The following FBXO24 variants were observed in gnomAD, a reference collection of about 807,000 sequenced individuals.
FBXO24 encodes the protein F-box only protein 24.
A neutral mutation model predicts 63.5 loss-of-function variants in FBXO24; 30 were observed. The ratio of observed to expected loss-of-function variants is 0.47; its 90% CI spans 0.35 to 0.64. The LOEUF is 0.64. Among genes scored for constraint, FBXO24 ranks in the 30% least tolerant of loss-of-function variants. The pLI is 0.00. For missense variants in FBXO24, 624 were observed against 763.4 expected, an observed-to-expected ratio of 0.82 and a Z score of 2.15; for synonymous variants, 300 against 305.0, an observed-to-expected ratio of 0.98 and a Z score of 0.17.
Position 100,594,258 on chromosome 7 carries a change from A to AT in FBXO24, c.794-122dup. 7 of 1,069,444 alleles carry AT rather than the reference A, an allele frequency of 6.5e-6. No individual in the cohort carries two copies. 66.2% of individuals were successfully genotyped at this position (1,069,444 alleles called of 1,614,324 possible). A position where few individuals can be genotyped will look rare whatever the true frequency, so the allele number is the denominator to read the frequency against. On this transcript the variant is annotated intron_variant, in intron 5 of 9. Transcript: ENST00000241071. This position sits in a 1 kb window ranked among gnomAD's most constrained non-coding sequence, Gnocchi z 4.2. ...GGGGACTTGGGGTCACTCTTCCCTTATTTCTTTCTCAGCCCCACTCTAGGG... is the reference window on the plus strand; with the variant it reads ...GGGGACTTGGGGTCACTCTTCCCTTATTTTCTTTCTCAGCCCCACTCTAGGG...
intron 1 of FBXO24, 198 bp downstream of exon 1, chr7:100,586,862 GA>G: frequency 2.1e-5 from 9 of 435,818 alleles, no homozygotes; most frequent in Admixed American, 2.5e-5. Context: ...GCAGCGGGGG[GA>G]CCTCCGACTG....
intron 1 of FBXO24, among the ~76,000 whole-genome samples, chr7:100,588,138 C>T (rs749822851): frequency 1.8e-4 from 28 of 152,288 alleles, no homozygotes; most frequent in Non-Finnish European, 2.4e-4. Flanking sequence ...CTCGGCCTCC[C>T]GAAGTGCTGG....
At position 100,590,265 on chromosome 7, in the gene FBXO24, G is replaced by C. The variant is rs1801948962; in HGVS notation, c.230G>C (p.Gly77Ala). ...RYFHEVCDGE[G>A]VWRRICRRLS... ...TTCCACGAAGTGTGCGATGGGGAAG[G>C]CGTGTGGAGACGCATCTGTCGCAGA... The change falls in exon 3 of 10, where the codon GGC becomes GCC. Residue 77 changes from glycine to alanine, a missense_variant. Around this residue, in one of 3 missense-constraint regions of FBXO24, gnomAD observed 391 missense variants for 469.1 expected, o/e 0.83. Transcript: ENST00000241071. The C allele has an allele frequency of 6.2e-7, 1 of 1,614,080 alleles. No homozygotes were observed. The highest frequency in any genetic ancestry group is 1.3e-5 in the African/African-American group (1 of 74,926).
At position 100,595,206 on chromosome 7, in the gene FBXO24, C is replaced by G; in HGVS notation, c.1057C>G (p.Leu353Val). Residue 353 changes from leucine to valine, a missense_variant, in exon 7 of 10, where the codon CTC becomes GTC. Leu to Val is a conservative substitution (Grantham distance 32). Transcript: ENST00000241071. The stretch of plus-strand genomic sequence containing the variant: ...CCTGGACCAGCAGATGCCGCTTGCT[C>G]TCTCACTGCCTGCCAAGGTAGGCTC... ...DPLDQQMPLALSLPAKILFCA... is the reference protein window; with the variant it reads ...DPLDQQMPLAVSLPAKILFCA... 6.2e-7 allele frequency: 1 copy of G among 1,614,160 alleles called. No individual in the cohort carries two copies. The highest frequency in any genetic ancestry group is 8.5e-7 in the Non-Finnish European group (1 of 1,180,006).
At chr7:100,595,553 C>G (rs771831118) in intron 7 of FBXO24, 22 bp from the exon 8 acceptor site, 3 of 1,563,070 alleles carry the variant, frequency 1.9e-6, no homozygotes, top group Non-Finnish European at 2.6e-6. Context: ...AATCCCTATC[C>G]CCTTTCTATC....
intron 3 of FBXO24, among the ~76,000 whole-genome samples, chr7:100,591,198 G>A (rs1284023026): frequency 2.0e-5 from 3 of 151,712 alleles, no homozygotes; most frequent in Non-Finnish European, 2.9e-5. Flanking sequence ...CACCACACCC[G>A]GATAATTTTT....
At position 100,590,016 on chromosome 7, in the gene FBXO24, G is replaced by A; in HGVS notation, c.79G>A (p.Val27Ile). 1.9e-6 allele frequency: 3 copies of A among 1,613,782 alleles called. No homozygotes were observed. Among genetic ancestry groups the A allele is most frequent in the Non-Finnish European group, 1.7e-6 (2 of 1,179,922 alleles). Residue 27 changes from valine to isoleucine, a missense_variant, in exon 2 of 10, where the codon GTT (valine) becomes ATT (isoleucine). By Grantham distance (29) the Val-to-Ile change is conservative. Around this residue, in one of 3 missense-constraint regions of FBXO24, gnomAD observed 391 missense variants for 469.1 expected, o/e 0.83. Transcript: ENST00000241071. The part of the protein sequence containing the change: ...SCPSCGSELG[V>I]EEKRGKGNPI... ...CCCTTCTTGTGGCTCGGAGCTTGGG[G>A]TTGAAGAGAAGAGGGGGAAAGGAAA...
At chr7:100,599,967 T>TC in intron 8 of FBXO24, 64 bp from the exon 9 acceptor site, 2 of 1,496,766 alleles carry the variant, frequency 1.3e-6, no homozygotes, top group African/African-American at 1.4e-5. Flanking sequence ...GTCAACCTTT[T>TC]CCCACCCCAG....
chr7:100,600,404 C>A lies in FBXO24; in HGVS notation c.1378-130C>A. On this transcript the variant is annotated intron_variant, in intron 9 of 9. Transcript: ENST00000241071. This position sits in a 1 kb window ranked among gnomAD's most constrained non-coding sequence, Gnocchi z 6.3. ...GCTGGCCTTGCCCAACCTCACACAC[C>A]CCTGGGACTTAGCCGGCTCAGGGCT... The A allele has an allele frequency of 2.0e-6, 3 of 1,485,992 alleles. No individual in the cohort carries two copies. Among genetic ancestry groups the A allele is most frequent in the South Asian group, 1.4e-5 (1 of 73,294 alleles). The allele number at this position is 1,485,992 out of a possible 1,614,324, so 92.1% of individuals were successfully genotyped here. A position where few individuals can be genotyped will look rare whatever the true frequency, so the allele number is the denominator to read the frequency against.
At chr7:100,596,252 C>G (rs1488315313) in intron 8 of FBXO24, among the ~76,000 whole-genome samples, 1 of 152,088 alleles carries the variant, frequency 6.6e-6, no homozygotes, top group Non-Finnish European at 1.5e-5. Context: ...CTACTCCAGC[C>G]TGGGCCACAG....
rs370240774 is a variant in FBXO24, at chr7:100,595,178, C to A, written c.1029C>A (p.Asp343Glu). ...RDLFGTLQAFDPLDQQMPLAL... is the reference protein window; with the variant it reads ...RDLFGTLQAFEPLDQQMPLAL... ...TCTTTGGGACCCTTCAAGCCTTTGA[C>A]CCCCTGGACCAGCAGATGCCGCTTG... Residue 343 changes from aspartate to glutamate, a missense_variant, in exon 7 of 10, where the codon GAC (aspartate) becomes GAA (glutamate). Coordinates refer to ENST00000241071, the MANE Select transcript of FBXO24 (RefSeq NM_033506.3). The A allele has an allele frequency of 1.5e-4, 242 of 1,614,114 alleles. 5 individuals carry two copies. In the South Asian group the frequency reaches 2.3e-3, roughly 15 times the overall value.
At chr7:100,599,374 G>A (rs1272282203) in intron 8 of FBXO24, among the ~76,000 whole-genome samples, 2 of 152,092 alleles carry the variant, frequency 1.3e-5, no homozygotes, top group Non-Finnish European at 2.9e-5. Context: ...AGGAGTTCGA[G>A]ACCAGCCTGG....
chr7:100,590,561 C>G (rs1373175433), intron 3 of FBXO24, among the ~76,000 whole-genome samples: 6 of 152,194 alleles, frequency 3.9e-5, no homozygotes. Context: ...CGTTAGCGGC[C>G]TCCCTGCCAA....
At position 100,600,597 on chromosome 7, in the gene FBXO24, G is replaced by T; in HGVS notation, c.1441G>T (p.Asp481Tyr). 1 of 1,610,404 alleles carries T rather than the reference G, an allele frequency of 6.2e-7. No individual in the cohort carries two copies. Among genetic ancestry groups the T allele is most frequent in the Non-Finnish European group, 8.5e-7 (1 of 1,177,612 alleles). Residue 481 changes from aspartate (D) to tyrosine (Y), a missense_variant, in exon 10 of 10, where the codon GAC becomes TAC. By Grantham distance (160) the Asp-to-Tyr change is radical. Coordinates refer to ENST00000241071, the MANE Select transcript of FBXO24 (RefSeq NM_033506.3). This position sits in a 1 kb window ranked among gnomAD's most constrained non-coding sequence, Gnocchi z 6.3. ...RECLYILSSHDIEQHAPYRHL... is the reference protein window; with the variant it reads ...RECLYILSSHYIEQHAPYRHL... ...GTGCCTATACATCCTGTCCAGCCAC[G>T]ACATTGAGCAGCACGCCCCCTATCG...
Position 100,591,870 on chromosome 7 carries a change from C to G in FBXO24, c.526C>G (p.Arg176Gly). Residue 176 changes from arginine (R) to glycine (G), a missense_variant, in exon 4 of 10, where the codon CGC becomes GGC. By Grantham distance (125) the Arg-to-Gly change is moderately radical. Around this residue, in one of 3 missense-constraint regions of FBXO24, gnomAD observed 391 missense variants for 469.1 expected, o/e 0.83. Coordinates refer to ENST00000241071, the MANE Select transcript of FBXO24 (RefSeq NM_033506.3). ...LGQMQWKRAC[R>G]YVVLCRGAKD... is the part of the protein sequence containing the mutation. ...CCAGATGCAGTGGAAGCGGGCCTGT[C>G]GCTATGTTGTGTTGTGTCGTGGAGC... The G allele has an allele frequency of 6.2e-7, 1 of 1,614,180 alleles. No homozygotes were observed. Among genetic ancestry groups the G allele is most frequent in the Non-Finnish European group, 8.5e-7 (1 of 1,180,042 alleles).
chr7:100,588,105 C>T (rs529668208), intron 1 of FBXO24, among the ~76,000 whole-genome samples: 14 of 152,158 alleles, frequency 9.2e-5, no homozygotes, highest in African/African-American at 3.1e-4. Context: ...TCTCAAACTC[C>T]TGGGCTCAAG....
At chr7:100,597,921 T>C (rs1802394095) in intron 8 of FBXO24, among the ~76,000 whole-genome samples, 2 of 151,454 alleles carry the variant, frequency 1.3e-5, no homozygotes, top group Non-Finnish European at 2.9e-5. Context: ...GACAGGGTCT[T>C]GCTATGTTGC....
Position 100,600,249 on chromosome 7 carries a change from T to C in FBXO24, c.1377+48T>C. The C allele has an allele frequency of 6.8e-7, 1 of 1,468,990 alleles. No individual in the cohort carries two copies. The highest frequency in any genetic ancestry group is 9.0e-7 in the Non-Finnish European group (1 of 1,105,838). The allele number at this position is 1,468,990 out of a possible 1,614,324, so 91.0% of individuals were successfully genotyped here. On this transcript the variant is annotated intron_variant, in intron 9 of 9. Coordinates refer to ENST00000241071, the MANE Select transcript of FBXO24 (RefSeq NM_033506.3). The surrounding 1 kb of genome is among the most constrained non-coding windows in gnomAD (Gnocchi z 6.3). ...GGGCACCCAGGGAGGATGAGAGCCA[T>C]GAACCAGGAAGCCCACAGGCTGTAG...
chr7:100,587,342 G>C (rs954215900), intron 1 of FBXO24, among the ~76,000 whole-genome samples: 2 of 151,762 alleles, frequency 1.3e-5, no homozygotes, highest in South Asian at 4.2e-4. Context: ...TCGCTCAGTC[G>C]CCCAGGCTGG....
Sources: gnomAD v4.1 joint callset for allele counts (sites outside exome capture counted in the v4.1 genomes callset) on GRCh38, gnomAD v4.1.1 for gene constraint, gnomAD v4.1.1 regional missense constraint, Gnocchi (gnomAD v3.1) non-coding constraint, MANE v1.5 for transcripts, NCBI Gene and HGNC (gene_info 2026-07-23, HGNC 2026-07-21) for gene names.